FGF13: variants seen among roughly 807,000 people sequenced by gnomAD.
FGF13 encodes the protein fibroblast growth factor 13.
In FGF13, 2 loss-of-function variants were observed where a neutral mutation model predicts 19.5. The ratio of observed to expected loss-of-function variants is 0.10; its 90% CI spans 0.04 to 0.32. FGF13 has a LOEUF of 0.32. Among genes scored for constraint, FGF13 ranks in the 10% least tolerant of loss-of-function variants. FGF13 has a pLI of 1.00. For synonymous variants in FGF13, 72 were observed against 76.9 expected, an observed-to-expected ratio of 0.94 and a Z score of 0.33; for missense variants, 113 against 192.7, an observed-to-expected ratio of 0.59 and a Z score of 2.45.
intron 1 of FGF13, among the ~76,000 whole-genome samples, chrX:138,961,185 T>C (rs907349288): frequency 1.8e-5 from 2 of 111,501 alleles, no homozygotes; most frequent in African/African-American, 6.5e-5. Flanking sequence ...GACCTACAGA[T>C]GGGGTTTTGG....
intron 1 of FGF13, among the ~76,000 whole-genome samples, chrX:138,969,180 T>G (rs778872006): frequency 1.8e-5 from 2 of 111,878 alleles, no homozygotes; most frequent in South Asian, 7.5e-4. Context: ...CACAGTCAAC[T>G]GTGTGTCAGA....
intron 1 of FGF13, among the ~76,000 whole-genome samples, chrX:138,980,655 T>C (rs1287858101): frequency 2.1e-5 from 2 of 95,255 alleles, no homozygotes; most frequent in Non-Finnish European, 4.1e-5. Context: ...GTCATCACTA[T>C]GGATGCTTCC....
At chrX:139,173,156 C>A (rs917540253) in intron 1 of FGF13, among the ~76,000 whole-genome samples, 1 of 111,694 alleles carries the variant, frequency 9.0e-6, no homozygotes, top group Non-Finnish European at 1.9e-5. Flanking sequence ...CCCAAAAGGA[C>A]AGAAATATCT....
chrX:138,895,153 G>T (rs2091497586), intron 1 of FGF13, among the ~76,000 whole-genome samples: 2 of 111,557 alleles, frequency 1.8e-5, no homozygotes, highest in African/African-American at 3.3e-5. Context: ...CAGCTTTATT[G>T]ATGTATACTT....
intron 1 of FGF13, among the ~76,000 whole-genome samples, chrX:139,067,640 A>G (rs2092361399): frequency 8.9e-6 from 1 of 112,216 alleles, no homozygotes; most frequent in South Asian, 3.7e-4. Context: ...AAGAGGACAC[A>G]AACAAATGGA....
chrX:139,014,167 T>G (rs1329897298), intron 1 of FGF13, among the ~76,000 whole-genome samples: 1 of 110,615 alleles, frequency 9.0e-6, no homozygotes, highest in African/African-American at 3.3e-5. Context: ...AATAAAAAAC[T>G]TAAAATAACC....
At chrX:138,714,633 G>GA (rs763551426), upstream of FGF13, 20 of 111,757 alleles carry the variant, frequency 1.8e-4, no homozygotes, top group African/African-American at 6.5e-4. Flanking sequence ...CGATAAGAGC[G>GA]AAACTCCACA....
chrX:138,778,298 C>T (rs1456405641), intron 3 of FGF13, among the ~76,000 whole-genome samples: 3 of 106,583 alleles, frequency 2.8e-5, no homozygotes, highest in Non-Finnish European at 5.8e-5. Flanking sequence ...AAATGGCTTA[C>T]ATCCAAAGTG....
intron 1 of FGF13, among the ~76,000 whole-genome samples, chrX:138,925,527 A>G (rs1275538425): frequency 1.8e-5 from 2 of 111,838 alleles, no homozygotes; most frequent in African/African-American, 3.3e-5. Flanking sequence ...TAACCAAGTC[A>G]TTGTGAAGCA....
intron 1 of FGF13, among the ~76,000 whole-genome samples, chrX:138,919,693 C>T: frequency 9.1e-6 from 1 of 109,318 alleles, no homozygotes; most frequent in South Asian, 4.0e-4. Context: ...AACTTAGTTG[C>T]CAGGGATTAG....
intron 4 of FGF13, among the ~76,000 whole-genome samples, 178 bp downstream of exon 4, chrX:138,635,279 C>T (rs2089169793): frequency 9.0e-6 from 1 of 111,395 alleles, no homozygotes; most frequent in South Asian, 3.8e-4. Context: ...TAAAACACTA[C>T]ATACTGGGTA....
chrX:138,629,142 A>C lies in FGF13; in HGVS notation c.*3708T>G, dbSNP rs986966305. The stretch of plus-strand genomic sequence containing the variant: ...TCCCAGGCCAAGCTTAAAACAAAAG[A>C]AGCATATAAAACACCACAGGTGATT... On this transcript the variant is annotated 3_prime_UTR_variant, in exon 5 of 5. Coordinates refer to ENST00000315930, the MANE Select transcript of FGF13 (RefSeq NM_004114.5). 1.8e-5 allele frequency: 2 copies of C among 111,537 alleles called. No individual in the cohort carries two copies. The highest frequency in any genetic ancestry group is 3.8e-5 in the Non-Finnish European group (2 of 53,148). 9.2% of individuals were successfully genotyped at this position (111,537 alleles called of 1,213,427 possible). A position where few individuals can be genotyped will look rare whatever the true frequency, so the allele number is the denominator to read the frequency against.
At chrX:138,937,762 C>T (rs778850208) in intron 1 of FGF13, among the ~76,000 whole-genome samples, 1 of 110,648 alleles carries the variant, frequency 9.0e-6, no homozygotes, top group African/African-American at 3.3e-5. Context: ...AAATCGAAGG[C>T]CAAAAAGAAA....
chrX:138,799,425 CTGTT>C (rs1486958365), intron 3 of FGF13, among the ~76,000 whole-genome samples: 4 of 111,848 alleles, frequency 3.6e-5, no homozygotes, highest in Non-Finnish European at 5.6e-5. Context: ...GTCTGAGAGA[CTGTT>C]TGTTATGATT....
rs147815111 is a variant in FGF13 at position 138,940,991 on chromosome X, G to A, written c.-112-76341C>T. ...GTTTTATCTCAACGCATGCAGAGAA[G>A]GCCTTCAATAAAATTTAACATCTCT... On this transcript the variant is annotated intron_variant, in intron 1 of 2. Coordinates refer to the FGF13 transcript ENST00000421460. Among the ~76,000 whole-genome samples, 786 of 111,308 alleles carry A rather than the reference G, an allele frequency of 7.1e-3. 3 individuals are homozygous for A. The highest frequency in any genetic ancestry group is 0.028 in the Middle Eastern group (6 of 217).
At chrX:138,660,509 G>A (rs747728860) in intron 3 of FGF13, among the ~76,000 whole-genome samples, 9 of 111,506 alleles carry the variant, frequency 8.1e-5, no homozygotes, top group Non-Finnish European at 1.7e-4. Flanking sequence ...ATATATTTAT[G>A]GAGTACATGA....
chrX:138,677,943 T>C (rs2089688949), intron 3 of FGF13, among the ~76,000 whole-genome samples: 1 of 111,990 alleles, frequency 8.9e-6, no homozygotes, highest in African/African-American at 3.2e-5. Context: ...TGTCCAACAA[T>C]GATAGACTGG....
At chrX:138,883,809 A>G in intron 1 of FGF13, among the ~76,000 whole-genome samples, 1 of 112,225 alleles carries the variant, frequency 8.9e-6, no homozygotes. Flanking sequence ...GCACTACCTC[A>G]GCAAATTATT....
At chrX:139,080,663 C>T (rs1489556144) in intron 1 of FGF13, among the ~76,000 whole-genome samples, 1 of 111,851 alleles carries the variant, frequency 8.9e-6, no homozygotes, top group African/African-American at 3.2e-5. Flanking sequence ...AGGCCTCATA[C>T]CCCAAGTGTG....
Sources: gnomAD v4.1 joint callset for allele counts (sites outside exome capture counted in the v4.1 genomes callset) on GRCh38, gnomAD v4.1.1 for gene constraint, MANE v1.5 for transcripts, NCBI Gene and HGNC (gene_info 2026-07-23, HGNC 2026-07-21) for gene names.